The following POLR1A variants were observed in gnomAD, a reference collection of about 807,000 sequenced individuals.
The protein encoded by POLR1A is DNA-directed RNA polymerase I subunit RPA1.
POLR1A carries 84 observed loss-of-function variants against 205.3 expected under a neutral mutation model. The ratio of observed to expected loss-of-function variants is 0.41; its 90% CI spans 0.34 to 0.49. The LOEUF (loss-of-function observed/expected upper bound fraction) is 0.49, where lower values mean the gene tolerates loss of function less well. Ranked by LOEUF, POLR1A falls within the 20% of genes least tolerant of loss-of-function variation. The pLI is 0.22. For missense variants in POLR1A, 1,645 were observed against 2,204.5 expected, an observed-to-expected ratio of 0.75 and a Z score of 5.08; for synonymous variants, 799 against 863.7, an observed-to-expected ratio of 0.93 and a Z score of 1.31.
chr2:86,081,795 G>C, intron 7 of POLR1A, 89 bp from the exon 8 acceptor site: 1 of 737,872 alleles, frequency 1.4e-6, no homozygotes, highest in Non-Finnish European at 2.3e-6. Context: ...ACTGAGTGAG[G>C]AAAAAACAGA....
Position 86,049,166 on chromosome 2 carries a change from C to T in POLR1A, c.2469G>A (p.Gly823=). The T allele has an allele frequency of 6.2e-7, 1 of 1,613,382 alleles. No homozygotes were observed. Among genetic ancestry groups the T allele is most frequent in the Non-Finnish European group, 8.5e-7 (1 of 1,179,260 alleles). The change falls in exon 17 of 34, where the codon GGG becomes GGA. Residue 823 remains glycine, a synonymous_variant. Coordinates refer to ENST00000263857, the MANE Select transcript of POLR1A (RefSeq NM_015425.6). ...QRIIEESTHC[G]PQAVRAALNL... The stretch of plus-strand genomic sequence containing the variant: ...CCTCGAAGTCCCTCCTTACCTGGGG[C>T]CCGCAGTGGGTGGATTCTTCAATGA...
chr2:86,083,780 T>C (rs1357654191), intron 6 of POLR1A, among the ~76,000 whole-genome samples: 1 of 152,240 alleles, frequency 6.6e-6, no homozygotes, highest in Admixed American at 6.5e-5. Context: ...GATAAATAAG[T>C]ATTTTTATAG....
At chr2:86,093,950 A>G (rs1358941334) in intron 3 of POLR1A, among the ~76,000 whole-genome samples, 1 of 152,216 alleles carries the variant, frequency 6.6e-6, no homozygotes, top group Non-Finnish European at 1.5e-5. Flanking sequence ...GCAGTTTTGA[A>G]GATTAAAGGC....
intron 18 of POLR1A, 142 bp from the exon 19 acceptor site, chr2:86,047,405 A>G: frequency 1.6e-6 from 1 of 621,846 alleles, no homozygotes; most frequent in Non-Finnish European, 2.9e-6. Context: ...GAGGTAAGAG[A>G]AAGCCTCATT....
At chr2:86,075,754 C>T (rs1481395088) in intron 11 of POLR1A, among the ~76,000 whole-genome samples, 3 of 152,174 alleles carry the variant, frequency 2.0e-5, no homozygotes, top group African/African-American at 4.8e-5. Flanking sequence ...CTGATCTGCC[C>T]GCCTCGGCCT....
At chr2:86,080,591 C>T (rs539136383) in intron 9 of POLR1A, among the ~76,000 whole-genome samples, 12 of 152,282 alleles carry the variant, frequency 7.9e-5, no homozygotes, top group Admixed American at 1.3e-4. Flanking sequence ...CATGGTCGTT[C>T]GGTGTAGAAG....
chr2:86,044,530 A>T (rs1012844845), intron 21 of POLR1A, among the ~76,000 whole-genome samples: 3 of 152,222 alleles, frequency 2.0e-5, no homozygotes, highest in African/African-American at 7.2e-5. Flanking sequence ...AGGAGGCTGC[A>T]GCCATGTTAC....
Position 86,089,938 on chromosome 2 carries a change from CAA to C in POLR1A, c.433-11_433-10del. On this transcript the variant is annotated splice_polypyrimidine_tract_variant and intron_variant, in intron 3 of 33. Coordinates refer to ENST00000263857, the MANE Select transcript of POLR1A (RefSeq NM_015425.6). The stretch of plus-strand genomic sequence containing the variant: ...GGATTTTCTTCCAGAAACTGGAAAA[CAA>C]AGAGGAAAACTCCATTATCACAGTA... 3 of 1,439,914 alleles carry C rather than the reference CAA, an allele frequency of 2.1e-6. No homozygotes were observed. In the South Asian group the frequency reaches 3.4e-5, roughly 16 times the overall value. The allele number at this position is 1,439,914 out of a possible 1,614,324, so 89.2% of individuals were successfully genotyped here. A position where few individuals can be genotyped will look rare whatever the true frequency, so the allele number is the denominator to read the frequency against.
At chr2:86,094,954 C>T (rs1052974759) in intron 3 of POLR1A, among the ~76,000 whole-genome samples, 1 of 152,196 alleles carries the variant, frequency 6.6e-6, no homozygotes, top group African/African-American at 2.4e-5. Flanking sequence ...TGCTGGGTCA[C>T]CCTGCACAGG....
At chr2:86,081,490 C>A in intron 8 of POLR1A, 111 bp downstream of exon 8, 1 of 655,010 alleles carries the variant, frequency 1.5e-6, no homozygotes, top group Non-Finnish European at 2.7e-6. Flanking sequence ...TGGAGCGGAA[C>A]TGCAGCTTTG....
chr2:86,034,717 G>A (rs1368961661), intron 27 of POLR1A, among the ~76,000 whole-genome samples: 1 of 152,146 alleles, frequency 6.6e-6, no homozygotes, highest in Admixed American at 6.5e-5. Flanking sequence ...CCCAGCATGT[G>A]CCAGCCCTGG....
chr2:86,044,034 A>G (rs2104391321), intron 22 of POLR1A, 105 bp downstream of exon 22: 2 of 1,070,292 alleles, frequency 1.9e-6, no homozygotes, highest in African/African-American at 1.6e-5. Context: ...CTACTTTCCA[A>G]TGGCCACTTG....
At chr2:86,038,124 T>A (rs1672531990) in intron 27 of POLR1A, among the ~76,000 whole-genome samples, 1 of 152,238 alleles carries the variant, frequency 6.6e-6, no homozygotes, top group African/African-American at 2.4e-5. Flanking sequence ...TTTTCAAATA[T>A]CTAACAGTAA....
chr2:86,047,054 T>C, intron 19 of POLR1A, 111 bp downstream of exon 19: 1 of 684,632 alleles, frequency 1.5e-6, no homozygotes, highest in Non-Finnish European at 2.6e-6. Context: ...CTACACGCTT[T>C]CCTCTTTTTA....
intron 19 of POLR1A, among the ~76,000 whole-genome samples, chr2:86,046,905 T>C (rs970136049): frequency 2.0e-5 from 3 of 152,226 alleles, no homozygotes; most frequent in Admixed American, 6.5e-5. Context: ...AATTTATCTA[T>C]ATAACGTGAA....
intron 5 of POLR1A, 42 bp from the exon 6 acceptor site, chr2:86,088,711 A>T: frequency 6.2e-7 from 1 of 1,600,774 alleles, no homozygotes; most frequent in Non-Finnish European, 8.6e-7. Context: ...GAAAAAACCC[A>T]GTAAGATATT....
At chr2:86,074,246 G>C (rs778593259) in intron 12 of POLR1A, among the ~76,000 whole-genome samples, 1 of 152,130 alleles carries the variant, frequency 6.6e-6, no homozygotes, top group Non-Finnish European at 1.5e-5. Context: ...TGTTAAAGAA[G>C]GGCAGGTCAG....
At chr2:86,059,623 T>G (rs1194037619) in intron 14 of POLR1A, among the ~76,000 whole-genome samples, 2 of 152,232 alleles carry the variant, frequency 1.3e-5, no homozygotes, top group Non-Finnish European at 2.9e-5. Flanking sequence ...TGGAGTGCAG[T>G]GGTGCAATCT....
At chr2:86,040,861 T>C (rs568733382) in intron 24 of POLR1A, among the ~76,000 whole-genome samples, 1 of 152,274 alleles carries the variant, frequency 6.6e-6, no homozygotes, top group East Asian at 1.9e-4. Context: ...ACAAGCCCCC[T>C]AAGCAGGAGA....
Sources: allele counts gnomAD v4.1 joint callset (sites outside exome capture counted in the v4.1 genomes callset), GRCh38; gene constraint gnomAD v4.1.1; transcripts MANE v1.5; gene names NCBI Gene and HGNC (gene_info 2026-07-23, HGNC 2026-07-21).